The following SRGAP2C variants were observed in gnomAD, a reference collection of about 807,000 sequenced individuals.
SRGAP2C encodes the protein SLIT-ROBO Rho GTPase activating protein 2C.
SRGAP2C carries 15 observed loss-of-function variants against 25.1 expected under a neutral mutation model. That is an observed-to-expected ratio of 0.60 (90% CI 0.40 to 0.92). The LOEUF is 0.92. Among genes scored for constraint, SRGAP2C ranks in the 40% least tolerant of loss-of-function variants. The probability of loss-of-function intolerance (pLI) is 0.00; values close to 1 mark genes in which losing one functional copy is unlikely to be tolerated. For missense variants in SRGAP2C, 144 were observed against 264.4 expected (o/e 0.54, Z 3.16); for synonymous variants, 44 against 96.6 (o/e 0.46, Z 3.19).
intron 4 of SRGAP2C, among the ~76,000 whole-genome samples, chr1:121,343,257 G>A (rs1658671658): frequency 1.3e-5 from 2 of 151,958 alleles, no homozygotes; most frequent in Non-Finnish European, 1.5e-5. Flanking sequence ...TGAGTGTCAG[G>A]CAGTCTGTCT....
At chr1:121,309,415 T>A (rs1181099142) in intron 3 of SRGAP2C, among the ~76,000 whole-genome samples, 21 of 128,034 alleles carry the variant, frequency 1.6e-4, no homozygotes, top group Admixed American at 4.2e-4. Flanking sequence ...ACAACTACAC[T>A]GAATCATTCC....
intron 2 of SRGAP2C, among the ~76,000 whole-genome samples, chr1:121,280,347 G>T (rs1408301577): frequency 3.9e-5 from 6 of 151,990 alleles, no homozygotes; most frequent in African/African-American, 1.4e-4. Flanking sequence ...TTCCGCTATT[G>T]ATGATTTTTA....
chr1:121,280,269 TA>T (rs1189474630), intron 2 of SRGAP2C, among the ~76,000 whole-genome samples: 1 of 150,240 alleles, frequency 6.7e-6, no homozygotes, highest in African/African-American at 2.4e-5. Flanking sequence ...GTGTCATTTT[TA>T]AAAAAACATA....
intron 4 of SRGAP2C, among the ~76,000 whole-genome samples, chr1:121,359,539 A>C (rs1553348136): frequency 6.6e-6 from 1 of 152,194 alleles, no homozygotes; most frequent in Non-Finnish European, 1.5e-5. Context: ...AAGCTGAGGC[A>C]GGAGGATTGT....
chr1:121,204,157 CA>C (rs1170169139), intron 2 of SRGAP2C, among the ~76,000 whole-genome samples: 22 of 125,540 alleles, frequency 1.8e-4, no homozygotes, highest in Middle Eastern at 4.0e-3. Flanking sequence ...ATCCTGTCTC[CA>C]AAAAAAAAAG....
Position 121,329,941 on chromosome 1 carries a change from A to G in SRGAP2C, c.423+5301A>G, listed in dbSNP as rs1381029294. Among the ~76,000 whole-genome samples the G allele has an allele frequency of 4.0e-5, 6 of 151,508 alleles. No homozygotes were observed. In the East Asian group the frequency reaches 1.2e-3, roughly 29 times the overall value. ...CTCAGTCTGTCTAACCTCTGTTGGA[A>G]CCAGGGTTTGGGCAAATATTATTGC... On this transcript the variant is annotated intron_variant, in intron 4 of 9. Coordinates refer to ENST00000367123, the MANE Select transcript of SRGAP2C (RefSeq NM_001329984.2).
At chr1:121,266,186 G>C (rs1267007818) in intron 2 of SRGAP2C, among the ~76,000 whole-genome samples, 2 of 150,384 alleles carry the variant, frequency 1.3e-5, no homozygotes, top group African/African-American at 4.9e-5. Flanking sequence ...TGTTGGCCAG[G>C]CTGGTCTGGA....
rs1407458524 is a variant in SRGAP2C, at chr1:121,293,022, A to G, written c.260+8027A>G. On this transcript the variant is annotated intron_variant, in intron 3 of 9. Coordinates refer to ENST00000367123, the MANE Select transcript of SRGAP2C (RefSeq NM_001329984.2). ...AGATTTCTTCTGATTGGAGGACTGGAGAGGGCTTTAGGGAGGTCAAGTTCA... is the reference window on the plus strand; with the variant it reads ...AGATTTCTTCTGATTGGAGGACTGGGGAGGGCTTTAGGGAGGTCAAGTTCA... Among the ~76,000 whole-genome samples, 186 of 89,502 alleles carry G rather than the reference A, an allele frequency of 2.1e-3. 2 individuals carry two copies. Among genetic ancestry groups the G allele is most frequent in the Non-Finnish European group, 2.8e-3 (125 of 44,428 alleles). The allele number at this position is 89,502 out of a possible 152,430, so 58.7% of individuals were successfully genotyped here.
At chr1:121,293,414 T>C (rs1461312243) in intron 3 of SRGAP2C, among the ~76,000 whole-genome samples, 1 of 135,810 alleles carries the variant, frequency 7.4e-6, no homozygotes, top group African/African-American at 2.9e-5. Flanking sequence ...TTTCGAAGGG[T>C]AACTATGGCA....
intron 4 of SRGAP2C, among the ~76,000 whole-genome samples, chr1:121,341,091 C>T (rs1417823313): frequency 1.3e-5 from 1 of 77,640 alleles, no homozygotes; most frequent in Non-Finnish European, 2.4e-5. Flanking sequence ...TATATAGGAG[C>T]CTGCTACAAT....
intron 7 of SRGAP2C, among the ~76,000 whole-genome samples, 172 bp downstream of exon 7, chr1:121,375,126 C>A (rs1484539260): frequency 3.3e-5 from 5 of 151,364 alleles, no homozygotes; most frequent in Admixed American, 6.6e-5. Context: ...ACACTTCACA[C>A]TTATTCAATC....
chr1:121,390,803 G>A lies in SRGAP2C; in HGVS notation c.*2948G>A, dbSNP rs1419949121. The stretch of plus-strand genomic sequence containing the variant: ...TGCCTGTAATCCCAGCGCTGTGGGA[G>A]CCTGAGGCGGGTGGGTCTCTTGAGG... On this transcript the variant is annotated 3_prime_UTR_variant, in exon 10 of 10. Coordinates refer to ENST00000367123, the MANE Select transcript of SRGAP2C (RefSeq NM_001329984.2). 4 of 151,966 alleles carry A rather than the reference G, an allele frequency of 2.6e-5. No homozygotes were observed. Among genetic ancestry groups the A allele is most frequent in the East Asian group, 3.9e-4 (2 of 5,178 alleles). 9.4% of individuals were successfully genotyped at this position (151,966 alleles called of 1,614,324 possible). A position where few individuals can be genotyped will look rare whatever the true frequency, so the allele number is the denominator to read the frequency against.
chr1:121,377,018 C>A lies in SRGAP2C; in HGVS notation c.831+2064C>A, dbSNP rs1300086601. 2.6e-5 allele frequency among the ~76,000 whole-genome samples: 4 copies of A among 151,292 alleles called. No individual in the cohort carries two copies. The Middle Eastern group carries it at 0.014, about 515-fold the overall frequency. Reference sequence around the variant, plus strand: ...GGGGTTACTGCTGTATCAGCCACAACCTTTGCAATCCATAGATTCTCCATC... The same window carrying A: ...GGGGTTACTGCTGTATCAGCCACAAACTTTGCAATCCATAGATTCTCCATC... On this transcript the variant is annotated intron_variant, in intron 7 of 9. Coordinates refer to ENST00000367123, the MANE Select transcript of SRGAP2C (RefSeq NM_001329984.2).
intron 2 of SRGAP2C, among the ~76,000 whole-genome samples, chr1:121,209,485 AC>A (rs1655197318): frequency 6.7e-6 from 1 of 149,722 alleles, no homozygotes. Flanking sequence ...AACACTTCAC[AC>A]CTGCTTCTTA....
chr1:121,222,786 C>T (rs1469400668), intron 2 of SRGAP2C, among the ~76,000 whole-genome samples: 7 of 152,092 alleles, frequency 4.6e-5, no homozygotes, highest in Admixed American at 1.3e-4. Flanking sequence ...TTTATGCAGA[C>T]AGACTTCCTT....
chr1:121,340,598 T>C (rs1658629718), intron 4 of SRGAP2C, among the ~76,000 whole-genome samples: 2 of 148,132 alleles, frequency 1.4e-5, no homozygotes, highest in Admixed American at 1.4e-4. Context: ...GGTTACAATT[T>C]AGATAGCAAT....
At chr1:121,372,962 G>T (rs1408343063) in intron 5 of SRGAP2C, among the ~76,000 whole-genome samples, 2 of 96,056 alleles carry the variant, frequency 2.1e-5, no homozygotes, top group Non-Finnish European at 4.4e-5. Flanking sequence ...AAATCTTATG[G>T]CATCACACTT....
intron 4 of SRGAP2C, among the ~76,000 whole-genome samples, chr1:121,334,632 CCTT>C (rs1300095963): frequency 7.1e-6 from 1 of 140,266 alleles, no homozygotes; most frequent in Admixed American, 7.3e-5. Flanking sequence ...CATGCCCAGC[CCTT>C]CTTTATTTGG....
At chr1:121,315,497 A>T in intron 3 of SRGAP2C, among the ~76,000 whole-genome samples, 2 of 151,590 alleles carry the variant, frequency 1.3e-5, no homozygotes, top group South Asian at 4.2e-4. Flanking sequence ...TAAGGACCTG[A>T]ACTCGCTAAT....
Sources: allele counts gnomAD v4.1 joint callset (sites outside exome capture counted in the v4.1 genomes callset), GRCh38; gene constraint gnomAD v4.1.1; transcripts MANE v1.5; gene names NCBI Gene and HGNC (gene_info 2026-07-23, HGNC 2026-07-21).